Variants in FMN2 observed in about 807,000 individuals in gnomAD.
FMN2 encodes the protein formin 2.
A neutral mutation model predicts 142.3 loss-of-function variants in FMN2; 51 were observed. The observed-to-expected ratio is 0.36, with a 90% confidence interval of 0.29 to 0.45. The LOEUF (loss-of-function observed/expected upper bound fraction) is 0.45, where lower values mean the gene tolerates loss of function less well. FMN2 is among the 20% of genes least tolerant of loss of function. The probability of loss-of-function intolerance (pLI) is 1.00; values close to 1 mark genes in which losing one functional copy is unlikely to be tolerated. For missense variants in FMN2, 1,936 were observed against 2,122.8 expected, an observed-to-expected ratio of 0.91 and a Z score of 1.73; for synonymous variants, 882 against 869.8, an observed-to-expected ratio of 1.01 and a Z score of -0.25.
intron 2 of FMN2, among the ~76,000 whole-genome samples, chr1:240,123,747 C>G (rs1662389490): frequency 6.6e-6 from 1 of 152,118 alleles, no homozygotes; most frequent in Non-Finnish European, 1.5e-5. Context: ...GGTTGTGCAT[C>G]CACCACCACC....
chr1:240,325,134 A>T (rs1671118653), intron 8 of FMN2, among the ~76,000 whole-genome samples: 1 of 152,010 alleles, frequency 6.6e-6, no homozygotes, highest in Non-Finnish European at 1.5e-5. Context: ...GAGGCAGGCA[A>T]ACAGCTTGAG....
At chr1:240,297,384 G>A (rs1423604467) in intron 8 of FMN2, among the ~76,000 whole-genome samples, 2 of 151,648 alleles carry the variant, frequency 1.3e-5, no homozygotes, top group African/African-American at 2.4e-5. Context: ...TCACGAGGTC[G>A]GGAGTTCGAG....
chr1:240,358,483 A>G (rs1460502095), intron 14 of FMN2, among the ~76,000 whole-genome samples: 1 of 152,176 alleles, frequency 6.6e-6, no homozygotes, highest in Non-Finnish European at 1.5e-5. Flanking sequence ...ACACTGCTAT[A>G]AAGAATTGCC....
At chr1:240,189,766 A>G (rs1337655119) in intron 4 of FMN2, among the ~76,000 whole-genome samples, 1 of 152,242 alleles carries the variant, frequency 6.6e-6, no homozygotes, top group Non-Finnish European at 1.5e-5. Flanking sequence ...ATTATCTGCA[A>G]TGATTAGCCC....
intron 7 of FMN2, among the ~76,000 whole-genome samples, chr1:240,266,183 C>CT (rs2102911335): frequency 6.6e-6 from 1 of 151,366 alleles, no homozygotes; most frequent in South Asian, 2.1e-4. Context: ...AATCTTTGTC[C>CT]CTTTCTCCCC....
intron 7 of FMN2, among the ~76,000 whole-genome samples, chr1:240,279,165 A>G (rs1227492715): frequency 6.6e-6 from 1 of 152,166 alleles, no homozygotes; most frequent in African/African-American, 2.4e-5. Flanking sequence ...AAGCTTTTTA[A>G]CACAGTGATG....
intron 2 of FMN2, among the ~76,000 whole-genome samples, chr1:240,132,473 C>G (rs1343548759): frequency 6.6e-6 from 1 of 152,142 alleles, no homozygotes; most frequent in Non-Finnish European, 1.5e-5. Context: ...TGGAGGTGTT[C>G]TACTCATTCC....
At position 240,154,846 on chromosome 1, in the gene FMN2, C is replaced by CCTTCCTTCCTTCCTTCCTTCCT. The variant is rs1558325359; in HGVS notation, c.1783-23075_1783-23074insCTTCCTTCCTTCCTTCCTTCCT. The CCTTCCTTCCTTCCTTCCTTCCT allele has an allele frequency of 1.7e-3, 138 of 81,294 alleles. 1 individual carries two copies. Among genetic ancestry groups the CCTTCCTTCCTTCCTTCCTTCCT allele is most frequent in the African/African-American group, 6.2e-3 (131 of 21,254 alleles). 5.0% of individuals were successfully genotyped at this position (81,294 alleles called of 1,614,324 possible). ...CTTCCTTCCTTCCTTCCTTCCTTCC[C>CCTTCCTTCCTTCCTTCCTTCCT]TCCCTCCCTCCCTCTTTCTTTCTTC... On this transcript the variant is annotated intron_variant, in intron 2 of 17. Transcript: ENST00000319653.
At chr1:240,163,473 G>A (rs1664361226) in intron 2 of FMN2, among the ~76,000 whole-genome samples, 1 of 152,062 alleles carries the variant, frequency 6.6e-6, no homozygotes, top group Non-Finnish European at 1.5e-5. Context: ...TTCTTATGAT[G>A]CTTTTTGCTG....
chr1:240,439,444 A>T (rs542757986), intron 16 of FMN2, among the ~76,000 whole-genome samples: 1 of 152,112 alleles, frequency 6.6e-6, no homozygotes, highest in South Asian at 2.1e-4. Context: ...CTTAAATTAG[A>T]TGAATTAATT....
rs891608528 is a variant in FMN2 at position 240,474,351 on chromosome 1, C to G, written c.*197C>G. On this transcript the variant is annotated 3_prime_UTR_variant, in exon 18 of 18. Transcript: ENST00000319653. Reference sequence around the variant, plus strand: ...ATATAAAAATGCAAACGTACTAGACCAGTGGAGAATTTGACACCTTTTCTT... The same window carrying G: ...ATATAAAAATGCAAACGTACTAGACGAGTGGAGAATTTGACACCTTTTCTT... The G allele has an allele frequency of 7.8e-6, 4 of 515,518 alleles. No individual in the cohort carries two copies. In the African/African-American group the frequency reaches 8.1e-5, roughly 10 times the overall value. The allele number at this position is 515,518 out of a possible 1,614,324, so 31.9% of individuals were successfully genotyped here.
At chr1:240,358,054 T>A (rs963430799) in intron 14 of FMN2, among the ~76,000 whole-genome samples, 6 of 152,242 alleles carry the variant, frequency 3.9e-5, no homozygotes, top group African/African-American at 1.4e-4. Context: ...TTTTTGCCAT[T>A]AAGTTAAACA....
intron 6 of FMN2, among the ~76,000 whole-genome samples, chr1:240,256,678 G>A (rs1231002327): frequency 6.6e-6 from 1 of 152,054 alleles, no homozygotes; most frequent in Non-Finnish European, 1.5e-5. Flanking sequence ...TTGAACTCAG[G>A]AGGCGGAGGC....
Position 240,092,349 on chromosome 1 carries a change from C to A in FMN2, c.240C>A (p.Ile80=). ...CCTCGGTGTTTTCCAACCTGCGGATCAGGAAGAATCTGTCCAAGGGGAAAG... is the reference window on the plus strand; with the variant it reads ...CCTCGGTGTTTTCCAACCTGCGGATAAGGAAGAATCTGTCCAAGGGGAAAG... ...SRASVFSNLR[I]RKNLSKGKGA... is the part of the protein sequence containing the mutation. The change falls in exon 1 of 18, where the codon ATC becomes ATA. Residue 80 remains isoleucine (I), a synonymous_variant. Coordinates refer to ENST00000319653, the MANE Select transcript of FMN2 (RefSeq NM_020066.5). The A allele has an allele frequency of 6.2e-7, 1 of 1,609,090 alleles. No individual in the cohort carries two copies.
intron 16 of FMN2, among the ~76,000 whole-genome samples, chr1:240,443,624 A>G (rs953013231): frequency 6.6e-6 from 1 of 152,098 alleles, no homozygotes; most frequent in African/African-American, 2.4e-5. Flanking sequence ...GTGTTGGTGC[A>G]TGCCTGTAAT....
intron 13 of FMN2, among the ~76,000 whole-genome samples, chr1:240,340,056 A>G (rs116030850): frequency 3.9e-5 from 6 of 152,152 alleles, no homozygotes; most frequent in Non-Finnish European, 7.4e-5. Flanking sequence ...AAATAAGATG[A>G]ATGTTTTAGA....
intron 11 of FMN2, among the ~76,000 whole-genome samples, chr1:240,331,219 A>C (rs1215437813): frequency 1.3e-5 from 2 of 152,140 alleles, no homozygotes; most frequent in African/African-American, 4.8e-5. Context: ...AACAAAATAT[A>C]AAAGGTGATT....
At chr1:240,431,402 T>TTA (rs35500291) in intron 15 of FMN2, among the ~76,000 whole-genome samples, 6,179 of 139,126 alleles carry the variant, frequency 0.044, 414 homozygotes, top group African/African-American at 0.15. Context: ...CAACCATGTT[T>TTA]TATATATATA....
rs555963192 is a variant in FMN2, at chr1:240,281,393, A to G, written c.4154-13429A>G. Among the ~76,000 whole-genome samples, 12 of 152,270 alleles carry G rather than the reference A, an allele frequency of 7.9e-5. No individual in the cohort carries two copies. The South Asian group carries it at 2.5e-3, about 32-fold the overall frequency. On this transcript the variant is annotated intron_variant, in intron 7 of 17. Transcript: ENST00000319653. Reference sequence around the variant, plus strand: ...AAAAAATGCAGTTTTCTTCCTTCCTAGGACATATGGTATTTTAACTGTTTG... The same window carrying G: ...AAAAAATGCAGTTTTCTTCCTTCCTGGGACATATGGTATTTTAACTGTTTG...
Sources: gnomAD v4.1 joint callset for allele counts (sites outside exome capture counted in the v4.1 genomes callset) on GRCh38, gnomAD v4.1.1 for gene constraint, MANE v1.5 for transcripts, NCBI Gene and HGNC (gene_info 2026-07-23, HGNC 2026-07-21) for gene names.